The following PCCA variants were observed in gnomAD, a reference collection of about 807,000 sequenced individuals.
PCCA encodes the protein propionyl-CoA carboxylase alpha chain, mitochondrial.
In PCCA, 74 loss-of-function variants were observed where a neutral mutation model predicts 101.3. The ratio of observed to expected loss-of-function variants is 0.73; its 90% CI spans 0.61 to 0.89. PCCA has a LOEUF of 0.89. Ranked by LOEUF, PCCA falls within the 40% of genes least tolerant of loss-of-function variation. The probability of loss-of-function intolerance (pLI) is 0.00; values close to 1 mark genes in which losing one functional copy is unlikely to be tolerated. For missense variants in PCCA, 891 were observed against 907.0 expected (o/e 0.98, Z 0.23); for synonymous variants, 294 against 313.6 (o/e 0.94, Z 0.66).
At chr13:100,521,370 CAG>C (rs1466712934) in intron 22 of PCCA, among the ~76,000 whole-genome samples, 1 of 152,186 alleles carries the variant, frequency 6.6e-6, no homozygotes, top group Non-Finnish European at 1.5e-5. Flanking sequence ...CCGCGCCCTC[CAG>C]AGTGAGGCCG....
intron 21 of PCCA, among the ~76,000 whole-genome samples, chr13:100,493,926 C>T (rs2085087098): frequency 6.6e-6 from 1 of 152,206 alleles, no homozygotes. Context: ...CGCGGTGGCT[C>T]ACGCCTGTAA....
At chr13:100,491,526 GAAA>G (rs2084906862) in intron 21 of PCCA, 1 of 432,166 alleles carries the variant, frequency 2.3e-6, no homozygotes, top group African/African-American at 2.1e-5. Flanking sequence ...AGATAAAAAG[GAAA>G]AGAATGGAAA....
chr13:100,453,477 T>G (rs867623696), intron 21 of PCCA, among the ~76,000 whole-genome samples: 1 of 133,824 alleles, frequency 7.5e-6, no homozygotes, highest in Non-Finnish European at 1.6e-5. Flanking sequence ...CACTCTAGTT[T>G]AAAAAAAAAA....
At chr13:100,338,272 T>G (rs1254245882) in intron 17 of PCCA, among the ~76,000 whole-genome samples, 1 of 152,216 alleles carries the variant, frequency 6.6e-6, no homozygotes, top group Non-Finnish European at 1.5e-5. Flanking sequence ...TACCACATTA[T>G]AAATTAAAAC....
chr13:100,141,959 T>G (rs1402386744), intron 4 of PCCA, among the ~76,000 whole-genome samples: 2 of 152,234 alleles, frequency 1.3e-5, no homozygotes, highest in Non-Finnish European at 2.9e-5. Context: ...AGGCAAGTAC[T>G]GTTTAAATGG....
chr13:100,307,715 A>G (rs1000002152), intron 15 of PCCA, among the ~76,000 whole-genome samples: 3 of 152,226 alleles, frequency 2.0e-5, no homozygotes, highest in African/African-American at 7.2e-5. Flanking sequence ...ATGTGATGTA[A>G]GAGTATAAGA....
At chr13:100,443,070 T>C (rs1230101267) in intron 20 of PCCA, among the ~76,000 whole-genome samples, 2 of 152,114 alleles carry the variant, frequency 1.3e-5, no homozygotes, top group Non-Finnish European at 2.9e-5. Context: ...ATGTGATTTT[T>C]TAAATCATTG....
At chr13:100,228,091 C>A (rs2060250273) in intron 7 of PCCA, among the ~76,000 whole-genome samples, 1 of 152,158 alleles carries the variant, frequency 6.6e-6, no homozygotes, top group African/African-American at 2.4e-5. Context: ...TCTCGGCTCA[C>A]TGCAACTTCT....
chr13:100,373,673 G>A (rs2075720895), intron 19 of PCCA, among the ~76,000 whole-genome samples: 1 of 152,194 alleles, frequency 6.6e-6, no homozygotes, highest in African/African-American at 2.4e-5. Flanking sequence ...GAGGTAGATG[G>A]TGGTGATGGT....
At chr13:100,450,240 G>A (rs1208731420) in intron 21 of PCCA, among the ~76,000 whole-genome samples, 4 of 142,350 alleles carry the variant, frequency 2.8e-5, no homozygotes, top group East Asian at 4.0e-4. Flanking sequence ...AAAATTAGCC[G>A]GGTTGTGGTG....
chr13:100,407,972 G>GA (rs1030753581), intron 19 of PCCA, among the ~76,000 whole-genome samples: 4 of 152,086 alleles, frequency 2.6e-5, no homozygotes, highest in Non-Finnish European at 5.9e-5. Flanking sequence ...CCAACATGGT[G>GA]AGACCCTGTC....
intron 16 of PCCA, among the ~76,000 whole-genome samples, chr13:100,325,471 A>G (rs1387390015): frequency 1.3e-5 from 2 of 152,190 alleles, no homozygotes; most frequent in Non-Finnish European, 2.9e-5. Context: ...CCATTAAGAA[A>G]ATCATTGAAG....
chr13:100,141,459 G>T (rs979090295), intron 4 of PCCA, among the ~76,000 whole-genome samples: 2 of 152,086 alleles, frequency 1.3e-5, no homozygotes, highest in African/African-American at 2.4e-5. Flanking sequence ...CTCCCAGGCT[G>T]GAGTGCAGTG....
chr13:100,212,321 G>A (rs1040200163), intron 7 of PCCA, among the ~76,000 whole-genome samples: 10 of 152,176 alleles, frequency 6.6e-5, no homozygotes, highest in Admixed American at 6.5e-4. Flanking sequence ...GAGCTGAGTA[G>A]TAGACTCAAT....
chr13:100,127,336 T>G (rs1220848599), intron 4 of PCCA, among the ~76,000 whole-genome samples: 3 of 152,202 alleles, frequency 2.0e-5, no homozygotes, highest in African/African-American at 4.8e-5. Context: ...TGTTAATAAC[T>G]TATACTGAAG....
At chr13:100,506,377 G>A (rs1291170271) in intron 21 of PCCA, among the ~76,000 whole-genome samples, 2 of 151,214 alleles carry the variant, frequency 1.3e-5, no homozygotes, top group Non-Finnish European at 1.5e-5. Context: ...ACCTTCGCGG[G>A]CGGGGGTGGG....
At chr13:100,238,252 C>G (rs377345962) in intron 8 of PCCA, among the ~76,000 whole-genome samples, 2 of 152,084 alleles carry the variant, frequency 1.3e-5, no homozygotes, top group African/African-American at 4.8e-5. Context: ...TTTCCACTTT[C>G]GTTATAACCT....
chr13:100,167,621 G>C (rs192924750), intron 6 of PCCA, among the ~76,000 whole-genome samples: 2 of 152,164 alleles, frequency 1.3e-5, no homozygotes, highest in East Asian at 3.9e-4. Flanking sequence ...AGACTTTCTT[G>C]TTTTTTGTTT....
intron 6 of PCCA, among the ~76,000 whole-genome samples, chr13:100,189,049 C>G (rs765181842): frequency 6.6e-6 from 1 of 152,212 alleles, no homozygotes; most frequent in Non-Finnish European, 1.5e-5. Flanking sequence ...CCCCCCACCC[C>G]CTGACAGGCC....
Sources: allele counts gnomAD v4.1 joint callset (sites outside exome capture counted in the v4.1 genomes callset), GRCh38; gene constraint gnomAD v4.1.1; transcripts MANE v1.5; gene names NCBI Gene and HGNC (gene_info 2026-07-23, HGNC 2026-07-21).